TET3: variants seen among roughly 807,000 people sequenced by gnomAD.
TET3 encodes the protein tet methylcytosine dioxygenase 3, also known as methylcytosine dioxygenase TET3.
In TET3, 19 loss-of-function variants were observed where a neutral mutation model predicts 141.4. The observed-to-expected ratio is 0.13, with a 90% CI of 0.09 to 0.20. The LOEUF (loss-of-function observed/expected upper bound fraction) is 0.20, where lower values mean the gene tolerates loss of function less well. Ranked by LOEUF, TET3 falls within the 10% of genes least tolerant of loss-of-function variation. The probability of loss-of-function intolerance (pLI) is 1.00; values close to 1 mark genes in which losing one functional copy is unlikely to be tolerated. For missense variants in TET3, 1,874 were observed against 2,356.9 expected, an observed-to-expected ratio of 0.80 and a Z score of 4.24; for synonymous variants, 1,043 against 980.9, an observed-to-expected ratio of 1.06 and a Z score of -1.18.
chr2:74,081,875 C>T (rs1169356726), intron 6 of TET3, among the ~76,000 whole-genome samples: 1 of 152,146 alleles, frequency 6.6e-6, no homozygotes, highest in Admixed American at 6.5e-5. Context: ...TATATACAAC[C>T]AGAGAATCTG....
Position 74,087,119 on chromosome 2 carries a change from T to C in TET3, c.2680-711T>C, listed in dbSNP as rs1363351881. 2.0e-5 allele frequency among the ~76,000 whole-genome samples: 3 copies of C among 152,172 alleles called. No homozygotes were observed. Among genetic ancestry groups the C allele is most frequent in the Admixed American group, 6.5e-5 (1 of 15,284 alleles). On this transcript the variant is annotated intron_variant, in intron 6 of 11. Transcript: ENST00000409262. This position sits in a 1 kb window ranked among gnomAD's most constrained non-coding sequence, Gnocchi z 4.3. Reference sequence around the variant, plus strand: ...TATTTCACATAGCATGTTTTTGGGGTTCATCCATGTTGTAACATGGATCAG... The same window carrying C: ...TATTTCACATAGCATGTTTTTGGGGCTCATCCATGTTGTAACATGGATCAG...
the TET3 span, among the ~76,000 whole-genome samples, chr2:74,131,250 C>T: frequency 4.6e-5 from 7 of 152,272 alleles, no homozygotes; most frequent in East Asian, 1.4e-3. Context: ...TTGCCACAAC[C>T]CTTCATTCAT....
At chr2:74,014,943 C>T (rs1685652820) in intron 3 of TET3, among the ~76,000 whole-genome samples, 1 of 152,212 alleles carries the variant, frequency 6.6e-6, no homozygotes, top group African/African-American at 2.4e-5. Context: ...CTGGGCTCCA[C>T]TGAAAACCCA....
intron 3 of TET3, among the ~76,000 whole-genome samples, chr2:74,011,194 C>G (rs996237435): frequency 1.4e-5 from 2 of 147,330 alleles, no homozygotes; most frequent in Non-Finnish European, 3.0e-5. Flanking sequence ...TGCCACTGCA[C>G]TCCAGCCTGG....
chr2:74,061,283 G>A (rs933041447), intron 4 of TET3, among the ~76,000 whole-genome samples: 2 of 145,766 alleles, frequency 1.4e-5, no homozygotes, highest in African/African-American at 5.1e-5. Flanking sequence ...CGGCTGGCCA[G>A]GCAGAGGGGC....
chr2:74,077,951 G>A (rs1292723393), intron 5 of TET3, among the ~76,000 whole-genome samples: 3 of 152,192 alleles, frequency 2.0e-5, no homozygotes, highest in African/African-American at 7.2e-5. Flanking sequence ...CCAGACAAAA[G>A]CAGCATTATG....
At chr2:74,062,881 C>CTT (rs10649388) in intron 4 of TET3, among the ~76,000 whole-genome samples, 34,750 of 121,300 alleles carry the variant, frequency 0.29, 5,764 homozygotes, top group African/African-American at 0.39. Flanking sequence ...TCAGGTGAAA[C>CTT]TTTTTTTTTT....
the TET3 span, among the ~76,000 whole-genome samples, chr2:74,128,610 T>C: frequency 1.3e-5 from 2 of 152,020 alleles, no homozygotes; most frequent in East Asian, 1.9e-4. Flanking sequence ...GTGGGACATA[T>C]GGGAACTCCA....
intron 3 of TET3, among the ~76,000 whole-genome samples, chr2:74,027,995 T>G (rs1460025767): frequency 6.6e-6 from 1 of 152,118 alleles, no homozygotes; most frequent in Non-Finnish European, 1.5e-5. Context: ...TTTTCACTTT[T>G]TTTTTAAGAG....
In TET3 at chr2:74,046,619, C is replaced by T; in HGVS notation, c.702C>T (p.Asn234=). The change falls in exon 4 of 12, where the codon AAC becomes AAT. Residue 234 remains asparagine, a synonymous_variant. Transcript: ENST00000409262. The surrounding 1 kb of genome is among the most constrained non-coding windows in gnomAD (Gnocchi z 4.3). ...GTGAGATGAGTCGTGAGGCTGGGAACAACAGCAGGGGACCCCGGCCAGGGC... is the reference window on the plus strand; with the variant it reads ...GTGAGATGAGTCGTGAGGCTGGGAATAACAGCAGGGGACCCCGGCCAGGGC... The part of the protein sequence containing the change: ...FNREMSREAG[N]NSRGPRPGPE... The T allele has an allele frequency of 6.2e-7, 1 of 1,614,062 alleles. No homozygotes were observed. Among genetic ancestry groups the T allele is most frequent in the Non-Finnish European group, 8.5e-7 (1 of 1,179,900 alleles).
chr2:74,001,432 T>A (rs1242396088), intron 2 of TET3, among the ~76,000 whole-genome samples: 1 of 152,174 alleles, frequency 6.6e-6, no homozygotes, highest in African/African-American at 2.4e-5. Context: ...AGAAATTGAT[T>A]CACCTGCAGT....
intron 4 of TET3, among the ~76,000 whole-genome samples, chr2:74,063,910 T>A (rs865854504): frequency 0.014 from 1,723 of 119,124 alleles, 36 homozygotes; most frequent in African/African-American, 0.055. Context: ...AAAAAAAAAA[T>A]AAGTAAAATA....
At chr2:73,994,929 C>G (rs1684516019) in intron 2 of TET3, among the ~76,000 whole-genome samples, 1 of 150,962 alleles carries the variant, frequency 6.6e-6, no homozygotes, top group Non-Finnish European at 1.5e-5. Flanking sequence ...GAGCCACTGT[C>G]CTGGCCTATC....
In TET3 at chr2:74,093,323, C is replaced by G. The variant is rs1457131739; in HGVS notation, c.3130-206C>G. On this transcript the variant is annotated intron_variant, in intron 9 of 11. Coordinates refer to ENST00000409262, the MANE Select transcript of TET3 (RefSeq NM_001287491.2). The surrounding 1 kb of genome is among the most constrained non-coding windows in gnomAD (Gnocchi z 4.2). ...ACAAGGCAAGGGGACTTGGGATAACCCAGAAGGAAGTAATTCCTACAGGAG... is the reference window on the plus strand; with the variant it reads ...ACAAGGCAAGGGGACTTGGGATAACGCAGAAGGAAGTAATTCCTACAGGAG... Among the ~76,000 whole-genome samples the G allele has an allele frequency of 6.6e-6, 1 of 152,050 alleles. No homozygotes were observed. The highest frequency in any genetic ancestry group is 2.4e-5 in the African/African-American group (1 of 41,382).
chr2:74,003,713 T>C (rs1431838701), intron 3 of TET3, among the ~76,000 whole-genome samples: 1 of 151,758 alleles, frequency 6.6e-6, no homozygotes, highest in African/African-American at 2.4e-5. Flanking sequence ...TGGGGGCTGA[T>C]GCAACATCAT....
chr2:74,040,876 C>T (rs1366362677), intron 3 of TET3, among the ~76,000 whole-genome samples: 3 of 152,098 alleles, frequency 2.0e-5, no homozygotes, highest in Non-Finnish European at 2.9e-5. Context: ...TCATGGGCAA[C>T]AGAGCAGCAA....
chr2:73,985,563 G>A (rs1469407250), intron 1 of TET3, among the ~76,000 whole-genome samples: 6 of 149,150 alleles, frequency 4.0e-5, no homozygotes, highest in Non-Finnish European at 9.0e-5. Context: ...CCCACCTCCA[G>A]GCGGCTTCCG....
Position 74,048,247 on chromosome 2 carries a change from A to C in TET3, c.2330A>C (p.Glu777Ala), listed in dbSNP as rs573904982. 1 of 1,613,630 alleles carries C rather than the reference A, an allele frequency of 6.2e-7. No homozygotes were observed. Among genetic ancestry groups the C allele is most frequent in the Admixed American group, 1.7e-5 (1 of 59,944 alleles). The part of the protein sequence containing the change: ...VLSTTCFHSE[E>A]GGQEATPTKA... ...TCAACCACCTGCTTCCATTCAGAGG[A>C]GGGAGGACAGGAGGCCACACCCACC... The change falls in exon 4 of 12, where the codon GAG becomes GCG. Residue 777 changes from glutamate (E) to alanine (A), a missense_variant. Glu to Ala is a moderately radical substitution (Grantham distance 107). Coordinates refer to ENST00000409262, the MANE Select transcript of TET3 (RefSeq NM_001287491.2).
At chr2:74,124,448 A>C in the TET3 span, among the ~76,000 whole-genome samples, 1 of 152,234 alleles carries the variant, frequency 6.6e-6, no homozygotes, top group African/African-American at 2.4e-5. Context: ...CCAACAGCTC[A>C]TTGAGAACTG....
Sources: allele counts gnomAD v4.1 joint callset (sites outside exome capture counted in the v4.1 genomes callset), GRCh38; gene constraint gnomAD v4.1.1; non-coding constraint Gnocchi (gnomAD v3.1); transcripts MANE v1.5; gene names NCBI Gene and HGNC (gene_info 2026-07-23, HGNC 2026-07-21).